Variants in PCDHB4 observed in about 807,000 individuals in gnomAD.
PCDHB4 encodes protocadherin beta-4.
For missense variants in PCDHB4, 1,063 were observed against 1,007.0 expected (o/e 1.06, Z -0.75); for synonymous variants, 482 against 447.3 (o/e 1.08, Z -0.98).
rs1554274456 is a variant in PCDHB4, at chr5:141,123,013, G to GT, written c.1016dup (p.Asn340GlufsTer2). 2 of 1,614,058 alleles carry GT rather than the reference G, an allele frequency of 1.2e-6. No homozygotes were observed. Among genetic ancestry groups the GT allele is most frequent in the East Asian group, 4.5e-5 (2 of 44,878 alleles). On this transcript the variant is annotated frameshift_variant, in exon 1 of 1. Transcript: ENST00000194152. LOFTEE classifies it low-confidence loss of function (END_TRUNC). Reference sequence around the variant, plus strand: ...CACTGTAGTCATAGAGGTGGTGGATGTGAATGACAATCCCCCAGAACTTAT... The same window carrying GT: ...CACTGTAGTCATAGAGGTGGTGGATGTTGAATGACAATCCCCCAGAACTTAT...
At position 141,125,602 on chromosome 5, in the gene PCDHB4, A is replaced by G. The variant is rs1554274931; in HGVS notation, c.*1216A>G. On this transcript the variant is annotated 3_prime_UTR_variant, in exon 1 of 1. Coordinates refer to ENST00000194152, the MANE Select transcript of PCDHB4 (RefSeq NM_018938.4). ...TTGTCCTTGTATAGACTGGAACAGT[A>G]ATAAATTTATCTGAATTAAAATTGT... 6.6e-6 allele frequency: 1 copy of G among 152,240 alleles called. No individual in the cohort carries two copies. Among genetic ancestry groups the G allele is most frequent in the African/African-American group, 2.4e-5 (1 of 41,462 alleles). 9.4% of individuals were successfully genotyped at this position (152,240 alleles called of 1,614,324 possible).
At position 141,123,661 on chromosome 5, in the gene PCDHB4, G is replaced by A. The variant is rs1376202594; in HGVS notation, c.1663G>A (p.Asp555Asn). ...GCGCGTGCTGGTGCTGGACACCAACGACAACTCGCCCTTCGTGCTGTACCC... is the reference window on the plus strand; with the variant it reads ...GCGCGTGCTGGTGCTGGACACCAACAACAACTCGCCCTTCGTGCTGTACCC... ...LVRVLVLDTN[D>N]NSPFVLYPLQ... The change falls in exon 1 of 1, where the codon GAC (aspartate) becomes AAC (asparagine). Residue 555 changes from aspartate to asparagine, a missense_variant. Coordinates refer to ENST00000194152, the MANE Select transcript of PCDHB4 (RefSeq NM_018938.4). The A allele has an allele frequency of 3.7e-6, 6 of 1,611,440 alleles. No individual in the cohort carries two copies. The highest frequency in any genetic ancestry group is 5.1e-6 in the Non-Finnish European group (6 of 1,179,608).
chr5:141,122,483 G>A lies in PCDHB4; in HGVS notation c.485G>A (p.Gly162Asp). Reference protein sequence around the residue: ...PLLIAEDLDVGSNGLQKYTIS... With the variant: ...PLLIAEDLDVDSNGLQKYTIS... ...CTAATAGCTGAGGATTTGGATGTGGGCAGCAATGGTCTTCAAAAATACACA... is the reference window on the plus strand; with the variant it reads ...CTAATAGCTGAGGATTTGGATGTGGACAGCAATGGTCTTCAAAAATACACA... Residue 162 changes from glycine to aspartate, a missense_variant, in exon 1 of 1, where the codon GGC becomes GAC. Transcript: ENST00000194152. The A allele has an allele frequency of 6.2e-7, 1 of 1,614,222 alleles. No individual in the cohort carries two copies. The highest frequency in any genetic ancestry group is 1.7e-5 in the Admixed American group (1 of 60,032).
chr5:141,122,206 G>A lies in PCDHB4; in HGVS notation c.208G>A (p.Asp70Asn), dbSNP rs1379370942. The A allele has an allele frequency of 6.2e-7, 1 of 1,614,190 alleles. No homozygotes were observed. ...GTCAGCCCGGGTGCTGTCTGACGAT[G>A]ACAAGCAGCGTTTGCAGCTGGATCG... is the stretch of plus-strand genomic sequence containing the variant. ...SRSARVLSDD[D>N]KQRLQLDRQT... is the part of the protein sequence containing the mutation. The change falls in exon 1 of 1, where the codon GAC (aspartate) becomes AAC (asparagine). Residue 70 changes from aspartate to asparagine, a missense_variant. Coordinates refer to ENST00000194152, the MANE Select transcript of PCDHB4 (RefSeq NM_018938.4).
In PCDHB4 at chr5:141,123,686, C is replaced by G; in HGVS notation, c.1688C>G (p.Pro563Arg). The stretch of plus-strand genomic sequence containing the variant: ...GACAACTCGCCCTTCGTGCTGTACC[C>G]GCTGCAGAATGGCTCCGCGCCCTGC... Reference protein sequence around the residue: ...TNDNSPFVLYPLQNGSAPCTE... With the variant: ...TNDNSPFVLYRLQNGSAPCTE... Residue 563 changes from proline (P) to arginine (R), a missense_variant, in exon 1 of 1, where the codon CCG becomes CGG. By Grantham distance (103) the Pro-to-Arg change is moderately radical. Coordinates refer to ENST00000194152, the MANE Select transcript of PCDHB4 (RefSeq NM_018938.4). 13 of 1,611,314 alleles carry G rather than the reference C, an allele frequency of 8.1e-6. No individual in the cohort carries two copies. The highest frequency in any genetic ancestry group is 1.1e-5 in the Non-Finnish European group (13 of 1,179,584).
rs782479296 is a variant in PCDHB4 at position 141,123,579 on chromosome 5, G to C, written c.1581G>C (p.Glu527Asp). The C allele has an allele frequency of 1.5e-5, 24 of 1,612,590 alleles. 1 individual carries two copies. The South Asian group carries it at 2.1e-4, about 14-fold the overall frequency. ...SLDYEALQAFEFRVGASDRGS... is the reference protein window; with the variant it reads ...SLDYEALQAFDFRVGASDRGS... ...ACTACGAGGCCCTGCAGGCGTTCGA[G>C]TTCCGCGTGGGCGCCTCAGACCGCG... The change falls in exon 1 of 1, where the codon GAG becomes GAC. Residue 527 changes from glutamate to aspartate, a missense_variant. Physicochemically the swap from Glu to Asp is conservative, Grantham distance 45 (BLOSUM62 2). Coordinates refer to ENST00000194152, the MANE Select transcript of PCDHB4 (RefSeq NM_018938.4).
At position 141,123,618 on chromosome 5, in the gene PCDHB4, G is replaced by C. The variant is rs1554274581; in HGVS notation, c.1620G>C (p.Leu540Phe). Reference sequence around the variant, plus strand: ...CCTCAGACCGCGGTTCTCCGGCTTTGAGCAGCGAGGCGCTGGTGCGCGTGC... The same window carrying C: ...CCTCAGACCGCGGTTCTCCGGCTTTCAGCAGCGAGGCGCTGGTGCGCGTGC... ...VGASDRGSPA[L>F]SSEALVRVLV... is the part of the protein sequence containing the mutation. The change falls in exon 1 of 1, where the codon TTG becomes TTC. Residue 540 changes from leucine (L) to phenylalanine (F), a missense_variant. By Grantham distance (22) the Leu-to-Phe change is conservative (BLOSUM62 0). Coordinates refer to ENST00000194152, the MANE Select transcript of PCDHB4 (RefSeq NM_018938.4). 1.2e-5 allele frequency: 19 copies of C among 1,611,954 alleles called. No homozygotes were observed. The highest frequency in any genetic ancestry group is 1.5e-5 in the Non-Finnish European group (18 of 1,179,792).
rs782781514 is a variant in PCDHB4 at position 141,123,888 on chromosome 5, C to A, written c.1890C>A (p.Ser630Arg). 2.5e-6 allele frequency: 4 copies of A among 1,606,690 alleles called. No individual in the cohort carries two copies. The highest frequency in any genetic ancestry group is 4.5e-4 in the Middle Eastern group (2 of 4,440). The change falls in exon 1 of 1, where the codon AGC becomes AGA. Residue 630 changes from serine to arginine, a missense_variant. Transcript: ENST00000194152. Reference sequence around the variant, plus strand: ...AGGTGCGCACCGCCAGGCTGCTGAGCGAGCGCGACGCAGCCAAGCACAGGC... The same window carrying A: ...AGGTGCGCACCGCCAGGCTGCTGAGAGAGCGCGACGCAGCCAAGCACAGGC... ...NGEVRTARLL[S>R]ERDAAKHRLV...
chr5:141,124,323 T>C lies in PCDHB4; in HGVS notation c.2325T>C (p.Val775=), dbSNP rs781793517. The part of the protein sequence containing the change: ...FLKPIFPNLL[V]QDTGREVKEN... ...AGCCAATATTTCCTAATCTCTTGGT[T>C]CAGGACACCGGGAGGGAAGTTAAGG... is the stretch of plus-strand genomic sequence containing the variant. Residue 775 remains valine, a synonymous_variant, in exon 1 of 1, where the codon GTT becomes GTC. Coordinates refer to ENST00000194152, the MANE Select transcript of PCDHB4 (RefSeq NM_018938.4). 1 of 1,614,094 alleles carries C rather than the reference T, an allele frequency of 6.2e-7. No homozygotes were observed. Among genetic ancestry groups the C allele is most frequent in the East Asian group, 2.2e-5 (1 of 44,872 alleles).
At position 141,122,189 on chromosome 5, in the gene PCDHB4, G is replaced by C. The variant is rs782281410; in HGVS notation, c.191G>C (p.Arg64Pro). The change falls in exon 1 of 1, where the codon CGG becomes CCG. Residue 64 changes from arginine to proline, a missense_variant. By Grantham distance (103) the Arg-to-Pro change is moderately radical (BLOSUM62 -2). Transcript: ENST00000194152. Reference protein sequence around the residue: ...GIGELASRSARVLSDDDKQRL... With the variant: ...GIGELASRSAPVLSDDDKQRL... ...GGGGAACTGGCCTCCCGGTCAGCCC[G>C]GGTGCTGTCTGACGATGACAAGCAG... The C allele has an allele frequency of 6.2e-6, 10 of 1,614,088 alleles. No homozygotes were observed. Among genetic ancestry groups the C allele is most frequent in the Non-Finnish European group, 7.6e-6 (9 of 1,180,056 alleles).
At position 141,124,311 on chromosome 5, in the gene PCDHB4, T is replaced by C. The variant is rs1752374754; in HGVS notation, c.2313T>C (p.Pro771=). Residue 771 remains proline, a synonymous_variant, in exon 1 of 1, where the codon CCT becomes CCC. Transcript: ENST00000194152. ...GEFKFLKPIF[P]NLLVQDTGRE... ...TCAAGTTCCTGAAGCCAATATTTCC[T>C]AATCTCTTGGTTCAGGACACCGGGA... 12 of 1,614,012 alleles carry C rather than the reference T, an allele frequency of 7.4e-6. No homozygotes were observed. The highest frequency in any genetic ancestry group is 1.0e-5 in the Non-Finnish European group (12 of 1,180,026).
In PCDHB4 at chr5:141,123,572, C is replaced by A. The variant is rs147934595; in HGVS notation, c.1574C>A (p.Ala525Glu). 8,276 of 1,405,608 alleles carry A rather than the reference C, an allele frequency of 5.9e-3. 21 individuals carry two copies. The highest frequency in any genetic ancestry group is 0.019 in the Middle Eastern group (84 of 4,438). 87.1% of individuals were successfully genotyped at this position (1,405,608 alleles called of 1,614,324 possible). ...TCGCTGGACTACGAGGCCCTGCAGG[C>A]GTTCGAGTTCCGCGTGGGCGCCTCA... ...LRSLDYEALQ[A>E]FEFRVGASDR... Residue 525 changes from alanine (A) to glutamate (E), a missense_variant, in exon 1 of 1, where the codon GCG (alanine) becomes GAG (glutamate). Coordinates refer to ENST00000194152, the MANE Select transcript of PCDHB4 (RefSeq NM_018938.4).
Position 141,124,131 on chromosome 5 carries a change from G to T in PCDHB4, c.2133G>T (p.Arg711=). The T allele has an allele frequency of 1.9e-6, 3 of 1,611,500 alleles. No homozygotes were observed. Among genetic ancestry groups the T allele is most frequent in the Non-Finnish European group, 2.5e-6 (3 of 1,179,910 alleles). The change falls in exon 1 of 1, where the codon CGG becomes CGT. Residue 711 remains arginine, a synonymous_variant. Coordinates refer to ENST00000194152, the MANE Select transcript of PCDHB4 (RefSeq NM_018938.4). ...CGGTGCTCCTGTTCGTGGCGGTGCG[G>T]CTGTGCAGGAGGAGCAGGGCGGCCT... ...LFSVLLFVAV[R]LCRRSRAASV... is the part of the protein sequence containing the mutation.
chr5:141,124,347 G>A lies in PCDHB4; in HGVS notation c.2349G>A (p.Lys783=). The A allele has an allele frequency of 6.2e-7, 1 of 1,612,970 alleles. No homozygotes were observed. Among genetic ancestry groups the A allele is most frequent in the Non-Finnish European group, 8.5e-7 (1 of 1,179,568 alleles). ...LLVQDTGREV[K]ENPKFRNSLV... ...TTCAGGACACCGGGAGGGAAGTTAA[G>A]GAAAACCCCAAGTTCAGAAATAGCT... The change falls in exon 1 of 1, where the codon AAG becomes AAA. Residue 783 remains lysine (K), a synonymous_variant. Coordinates refer to ENST00000194152, the MANE Select transcript of PCDHB4 (RefSeq NM_018938.4).
In PCDHB4 at chr5:141,123,690, G is replaced by T; in HGVS notation, c.1692G>T (p.Leu564=). The T allele has an allele frequency of 6.2e-7, 1 of 1,611,218 alleles. No homozygotes were observed. Among genetic ancestry groups the T allele is most frequent in the Non-Finnish European group, 8.5e-7 (1 of 1,179,582 alleles). ...NDNSPFVLYP[L]QNGSAPCTEL... ...ACTCGCCCTTCGTGCTGTACCCGCT[G>T]CAGAATGGCTCCGCGCCCTGCACCG... is the stretch of plus-strand genomic sequence containing the variant. Residue 564 remains leucine (L), a synonymous_variant, in exon 1 of 1, where the codon CTG becomes CTT. Coordinates refer to ENST00000194152, the MANE Select transcript of PCDHB4 (RefSeq NM_018938.4).
rs782161565 is a variant in PCDHB4, at chr5:141,122,407, G to A, written c.409G>A (p.Val137Met). 6.2e-7 allele frequency: 1 copy of A among 1,614,216 alleles called. No individual in the cohort carries two copies. The highest frequency in any genetic ancestry group is 8.5e-7 in the Non-Finnish European group (1 of 1,180,032). The change falls in exon 1 of 1, where the codon GTG becomes ATG. Residue 137 changes from valine (V) to methionine (M), a missense_variant. Physicochemically the swap from Val to Met is conservative, Grantham distance 21. Coordinates refer to ENST00000194152, the MANE Select transcript of PCDHB4 (RefSeq NM_018938.4). ...DHSPIFPEREVLLKILENSQP... is the reference protein window; with the variant it reads ...DHSPIFPEREMLLKILENSQP... Reference sequence around the variant, plus strand: ...CTCTCCAATATTCCCTGAAAGGGAAGTGCTCTTGAAAATACTAGAAAATAG... The same window carrying A: ...CTCTCCAATATTCCCTGAAAGGGAAATGCTCTTGAAAATACTAGAAAATAG...
rs782777020 is a variant in PCDHB4 at position 141,123,397 on chromosome 5, C to T, written c.1399C>T (p.Leu467=). 1.2e-6 allele frequency: 2 copies of T among 1,613,546 alleles called. No homozygotes were observed. Among genetic ancestry groups the T allele is most frequent in the Non-Finnish European group, 1.7e-6 (2 of 1,180,052 alleles). ...LFVRENNSPA[L]HIGSVSATDR... ...CGTCCGCGAGAACAACAGCCCCGCC[C>T]TGCACATCGGCAGTGTCAGCGCCAC... The change falls in exon 1 of 1, where the codon CTG becomes TTG. Residue 467 remains leucine (L), a synonymous_variant. Coordinates refer to ENST00000194152, the MANE Select transcript of PCDHB4 (RefSeq NM_018938.4).
In PCDHB4 at chr5:141,121,860, T is replaced by A. The variant is rs1320175969; in HGVS notation, c.-139T>A. On this transcript the variant is annotated 5_prime_UTR_variant, in exon 1 of 1. The change creates a new upstream start codon in the 5' untranslated region. Transcript: ENST00000194152. ...CAAGCAGTGCAGGTTTACCAACGGC[T>A]TGGGGCAGCGATATACTAAACAAAT... is the stretch of plus-strand genomic sequence containing the variant. The A allele has an allele frequency of 1.6e-6, 1 of 616,866 alleles. No individual in the cohort carries two copies. The highest frequency in any genetic ancestry group is 1.8e-5 in the African/African-American group (1 of 54,106). The allele number at this position is 616,866 out of a possible 1,614,324, so 38.2% of individuals were successfully genotyped here.
In PCDHB4 at chr5:141,122,871, C is replaced by T; in HGVS notation, c.873C>T (p.Phe291=). The T allele has an allele frequency of 6.2e-7, 1 of 1,613,424 alleles. No individual in the cohort carries two copies. ...CATCAGATGAAATTAAACAAACTTT[C>T]TCAATAAATGAAGTCACGGGAGAAA... ...FQASDEIKQT[F]SINEVTGEIL... is the part of the protein sequence containing the mutation. Residue 291 remains phenylalanine (F), a synonymous_variant, in exon 1 of 1, where the codon TTC becomes TTT. Transcript: ENST00000194152.
Sources: allele counts gnomAD v4.1 joint callset, GRCh38; gene constraint gnomAD v4.1.1; transcripts MANE v1.5; gene names NCBI Gene and HGNC (gene_info 2026-07-23, HGNC 2026-07-21).